The following RAPGEF6 variants were observed in gnomAD, a reference collection of about 807,000 sequenced individuals.
RAPGEF6 encodes Rap guanine nucleotide exchange factor 6, also known as PDZ domain containing guanine nucleotide exchange factor (GEF) 2.
Under a neutral mutation model 171.4 loss-of-function variants are expected in RAPGEF6, and 56 were observed. The ratio of observed to expected loss-of-function variants is 0.33; its 90% confidence interval spans 0.26 to 0.41. The LOEUF (loss-of-function observed/expected upper bound fraction) is 0.41. Among genes scored for constraint, RAPGEF6 ranks in the 10% least tolerant of loss-of-function variants. The pLI, the probability that RAPGEF6 is intolerant of heterozygous loss-of-function variation, is 1.00. For missense variants in RAPGEF6, 1,674 were observed against 1,921.4 expected (o/e 0.87, Z 2.41); for synonymous variants, 692 against 650.1 (o/e 1.06, Z -0.98).
At chr5:131,527,262 T>C (rs781481142) in intron 6 of RAPGEF6, among the ~76,000 whole-genome samples, 1 of 151,844 alleles carries the variant, frequency 6.6e-6, no homozygotes, top group African/African-American at 2.4e-5. Context: ...TAAGGCCACT[T>C]AGGTCACAAC....
chr5:131,606,055 A>AAAAAAAAG (rs1764553795), intron 1 of RAPGEF6, among the ~76,000 whole-genome samples: 5 of 126,542 alleles, frequency 4.0e-5, no homozygotes, highest in African/African-American at 2.1e-4. Context: ...AAAAAAAAAG[A>AAAAAAAAG]AAAAGAAAAG....
At chr5:131,468,995 G>C (rs1754567377) in intron 17 of RAPGEF6, among the ~76,000 whole-genome samples, 1 of 152,092 alleles carries the variant, frequency 6.6e-6, no homozygotes, top group Non-Finnish European at 1.5e-5. Flanking sequence ...ATATAATAAT[G>C]CATACATAAA....
rs1256800701 is a variant in RAPGEF6, at chr5:131,462,101, AT to A, written c.2481-14del. 4.8e-6 allele frequency: 7 copies of A among 1,453,938 alleles called. No individual in the cohort carries two copies. In the South Asian group the frequency reaches 9.2e-5, roughly 19 times the overall value. The allele number at this position is 1,453,938 out of a possible 1,614,324, so 90.1% of individuals were successfully genotyped here. On this transcript the variant is annotated splice_polypyrimidine_tract_variant and intron_variant, in intron 18 of 27. Coordinates refer to ENST00000509018, the MANE Select transcript of RAPGEF6 (RefSeq NM_016340.6). ...TTTTAAGTAATACCTAAATGGAAAAATTTTTTTAAATAAATGTATTCATAAA... is the reference window on the plus strand; with the variant it reads ...TTTTAAGTAATACCTAAATGGAAAAATTTTTTAAATAAATGTATTCATAAA...
chr5:131,611,364 G>A (rs1328997332), intron 1 of RAPGEF6, among the ~76,000 whole-genome samples: 2 of 152,104 alleles, frequency 1.3e-5, no homozygotes, highest in Non-Finnish European at 2.9e-5. Context: ...TAGTTTTCTA[G>A]TATTTTTAAA....
chr5:131,615,491 A>G (rs970730484), intron 1 of RAPGEF6, among the ~76,000 whole-genome samples: 61 of 152,228 alleles, frequency 4.0e-4, no homozygotes, highest in African/African-American at 1.5e-3. Flanking sequence ...ACCCTGACAG[A>G]GTCAGACTGG....
chr5:131,452,654 G>A (rs1471095660), intron 21 of RAPGEF6, among the ~76,000 whole-genome samples: 1 of 147,732 alleles, frequency 6.8e-6, no homozygotes, highest in Non-Finnish European at 1.5e-5. Context: ...TTTTAGTAGA[G>A]ACAGGGTTTC....
chr5:131,453,566 G>A (rs1191286457), intron 20 of RAPGEF6, among the ~76,000 whole-genome samples: 1 of 152,016 alleles, frequency 6.6e-6, no homozygotes, highest in Non-Finnish European at 1.5e-5. Context: ...ACTTCAGCCT[G>A]GGCAACAGAG....
At position 131,580,533 on chromosome 5, in the gene RAPGEF6, C is replaced by T. The variant is rs573681620; in HGVS notation, c.281+11850G>A. Among the ~76,000 whole-genome samples, 26 of 152,250 alleles carry T rather than the reference C, an allele frequency of 1.7e-4. No homozygotes were observed. In the South Asian group the frequency reaches 5.0e-3, roughly 29 times the overall value. ...CCTCAAGCGTGGCCAGAGCAGATGC[C>T]GAGGAGGCGGTGAGAGCGAGAGAGG... On this transcript the variant is annotated intron_variant, in intron 4 of 27. Coordinates refer to ENST00000509018, the MANE Select transcript of RAPGEF6 (RefSeq NM_016340.6).
intron 6 of RAPGEF6, among the ~76,000 whole-genome samples, chr5:131,545,147 T>C (rs962465356): frequency 6.6e-6 from 1 of 151,922 alleles, no homozygotes; most frequent in Admixed American, 6.6e-5. Context: ...TTAAAAAAAG[T>C]CACATTAAGA....
chr5:131,492,935 A>C, intron 13 of RAPGEF6, 150 bp from the exon 14 acceptor site: 1 of 665,236 alleles, frequency 1.5e-6, no homozygotes, highest in South Asian at 2.0e-5. Flanking sequence ...CCCACGCCAA[A>C]GCACTCTCAA....
chr5:131,521,687 C>T (rs1758489572), intron 6 of RAPGEF6, among the ~76,000 whole-genome samples, 166 bp from the exon 7 acceptor site: 1 of 152,066 alleles, frequency 6.6e-6, no homozygotes, highest in South Asian at 2.1e-4. Context: ...CCATATGGTA[C>T]TCTCTGAAAC....
chr5:131,490,712 A>C (rs1756222375), intron 14 of RAPGEF6, among the ~76,000 whole-genome samples: 1 of 152,228 alleles, frequency 6.6e-6, no homozygotes, highest in African/African-American at 2.4e-5. Context: ...ATCTTCAGGA[A>C]GGCAAGAACA....
intron 23 of RAPGEF6, among the ~76,000 whole-genome samples, chr5:131,441,949 G>A (rs1022607085): frequency 2.6e-5 from 4 of 152,064 alleles, no homozygotes; most frequent in Non-Finnish European, 2.9e-5. Flanking sequence ...TCCCAACCAC[G>A]TTTTCAGAAG....
chr5:131,626,176 T>C (rs1176552825), intron 1 of RAPGEF6, among the ~76,000 whole-genome samples: 1 of 152,154 alleles, frequency 6.6e-6, no homozygotes, highest in African/African-American at 2.4e-5. Context: ...ATCCTAGACA[T>C]TAGCCCCAGT....
chr5:131,554,416 T>A (rs1317559214), intron 5 of RAPGEF6, among the ~76,000 whole-genome samples: 1 of 152,164 alleles, frequency 6.6e-6, no homozygotes, highest in East Asian at 1.9e-4. Context: ...AAATAATGAT[T>A]TACAGAATAC....
At chr5:131,552,037 A>G (rs1760953268) in intron 5 of RAPGEF6, among the ~76,000 whole-genome samples, 2 of 152,270 alleles carry the variant, frequency 1.3e-5, no homozygotes, top group Admixed American at 6.5e-5. Context: ...TGGGAAACCA[A>G]TAAAGTCCTT....
intron 26 of RAPGEF6, among the ~76,000 whole-genome samples, chr5:131,430,278 T>C (rs2149804524): frequency 6.6e-6 from 1 of 152,122 alleles, no homozygotes; most frequent in African/African-American, 2.4e-5. Flanking sequence ...TTATATAGTT[T>C]AGGAAAGAAA....
chr5:131,498,699 C>T (rs1580921851), intron 11 of RAPGEF6, 92 bp from the exon 12 acceptor site: 2 of 1,163,522 alleles, frequency 1.7e-6, no homozygotes, highest in East Asian at 2.4e-5. Flanking sequence ...GTAGCTACTC[C>T]ATTAGACAAA....
intron 4 of RAPGEF6, among the ~76,000 whole-genome samples, chr5:131,573,020 C>A (rs1045815790): frequency 6.6e-6 from 1 of 152,234 alleles, no homozygotes; most frequent in East Asian, 1.9e-4. Flanking sequence ...GCTCCCAGTG[C>A]GACTCATCCC....
Sources: allele counts gnomAD v4.1 joint callset (sites outside exome capture counted in the v4.1 genomes callset), GRCh38; gene constraint gnomAD v4.1.1; transcripts MANE v1.5; gene names NCBI Gene and HGNC (gene_info 2026-07-23, HGNC 2026-07-21).